Variants in CHD9 observed in about 807,000 individuals in gnomAD.
CHD9 encodes the protein ATP-dependent chromatin remodeler CHD9.
A neutral mutation model predicts 316.1 loss-of-function variants in CHD9; 77 were observed. That is an observed-to-expected ratio of 0.24 (90% CI 0.20 to 0.29). CHD9 has a LOEUF of 0.29. Ranked by LOEUF, CHD9 falls within the 10% of genes least tolerant of loss-of-function variation. The probability of loss-of-function intolerance (pLI) is 1.00; values close to 1 mark genes in which losing one functional copy is unlikely to be tolerated. For missense variants in CHD9, 2,763 were observed against 3,438.1 expected (o/e 0.80, Z 4.91); for synonymous variants, 1,129 against 1,158.3 (o/e 0.97, Z 0.51).
At position 53,264,605 on chromosome 16, in the gene CHD9, C is replaced by A. The variant is rs1454925417; in HGVS notation, c.4320+1508C>A. 2.0e-5 allele frequency among the ~76,000 whole-genome samples: 3 copies of A among 151,906 alleles called. No homozygotes were observed. The East Asian group carries it at 5.8e-4, about 29-fold the overall frequency. ...TCCTGGTGGGTAAGAAAGTGGTAAA[C>A]AAATATATAAGATAATTTAGAGAGT... is the stretch of plus-strand genomic sequence containing the variant. On this transcript the variant is annotated intron_variant, in intron 20 of 38. Coordinates refer to ENST00000447540, the MANE Select transcript of CHD9 (RefSeq NM_001308319.2).
intron 24 of CHD9, among the ~76,000 whole-genome samples, chr16:53,283,496 T>TG (rs1832643878): frequency 6.6e-6 from 1 of 152,296 alleles, no homozygotes; most frequent in African/African-American, 2.4e-5. Context: ...CCACCTCAGA[T>TG]GGTAATCACA....
chr16:53,209,188 G>A (rs2046129729), intron 2 of CHD9, among the ~76,000 whole-genome samples: 1 of 152,084 alleles, frequency 6.6e-6, no homozygotes, highest in African/African-American at 2.4e-5. Context: ...GATAAAATTT[G>A]AATCAACTAT....
chr16:53,219,521 A>C (rs1205221058), intron 3 of CHD9, among the ~76,000 whole-genome samples: 1 of 152,192 alleles, frequency 6.6e-6, no homozygotes, highest in Non-Finnish European at 1.5e-5. Flanking sequence ...ATGCAGGAAG[A>C]AGAGCCAAAA....
chr16:53,289,177 C>T (rs1220348209), intron 27 of CHD9, among the ~76,000 whole-genome samples: 1 of 151,720 alleles, frequency 6.6e-6, no homozygotes, highest in Non-Finnish European at 1.5e-5. Context: ...TGATTAAAGA[C>T]ATTAAAGAAA....
At chr16:53,139,986 C>T (rs1288256591) in intron 1 of CHD9, among the ~76,000 whole-genome samples, 18 of 151,608 alleles carry the variant, frequency 1.2e-4, no homozygotes, top group Non-Finnish European at 2.4e-4. Context: ...GTAGTTCCAG[C>T]TACTCGAGAG....
chr16:53,249,195 A>G (rs977558011), intron 16 of CHD9, among the ~76,000 whole-genome samples: 2 of 152,198 alleles, frequency 1.3e-5, no homozygotes, highest in Non-Finnish European at 2.9e-5. Flanking sequence ...TGCAGGTACC[A>G]GAGATAACCG....
chr16:53,115,717 C>T (rs976211525), intron 1 of CHD9, among the ~76,000 whole-genome samples: 16 of 152,234 alleles, frequency 1.1e-4, no homozygotes, highest in African/African-American at 3.6e-4. Flanking sequence ...GAGAGTTTTT[C>T]GAGGAACAAG....
intron 1 of CHD9, among the ~76,000 whole-genome samples, chr16:53,072,461 G>A (rs183880870): frequency 2.1e-3 from 304 of 142,480 alleles, no homozygotes; most frequent in African/African-American, 6.9e-3. Flanking sequence ...GTACAGTGGT[G>A]TAATCATATA....
rs367821803 is a variant in CHD9, at chr16:53,245,508, C to A, written c.3198+29C>A. On this transcript the variant is annotated intron_variant, in intron 14 of 38. Coordinates refer to ENST00000447540, the MANE Select transcript of CHD9 (RefSeq NM_001308319.2). The surrounding 1 kb of genome is among the most constrained non-coding windows in gnomAD (Gnocchi z 4.1). ...TCCTATTGCTCTTTGTAAATACATT[C>A]ATCGCATTTCTAATCATTGTAATTA... 1.9e-6 allele frequency: 3 copies of A among 1,553,384 alleles called. No individual in the cohort carries two copies. The highest frequency in any genetic ancestry group is 2.8e-5 in the African/African-American group (2 of 72,242).
intron 20 of CHD9, among the ~76,000 whole-genome samples, chr16:53,263,441 A>G (rs568611199): frequency 1.3e-5 from 2 of 152,268 alleles, no homozygotes; most frequent in East Asian, 3.9e-4. Flanking sequence ...ATGATAATCT[A>G]GTAAAATGTA....
At chr16:53,291,868 TA>T in intron 28 of CHD9, 101 bp downstream of exon 28, 1 of 698,918 alleles carries the variant, frequency 1.4e-6, no homozygotes. Flanking sequence ...GTTTCATATA[TA>T]AAAATTTTTA....
chr16:53,248,526 G>GTTTTTTTTTTTTTTTTTTTT (rs542703474), intron 16 of CHD9, among the ~76,000 whole-genome samples: 1 of 105,994 alleles, frequency 9.4e-6, no homozygotes, highest in African/African-American at 3.7e-5. Flanking sequence ...TTTTTTTTTT[G>GTTTTTTTTTTTTTTTTTTTT]TTTTTTTTTT....
intron 1 of CHD9, among the ~76,000 whole-genome samples, chr16:53,135,230 A>G (rs1438708337): frequency 6.6e-6 from 1 of 152,082 alleles, no homozygotes; most frequent in East Asian, 1.9e-4. Flanking sequence ...CTGAAATGAG[A>G]GATAGAAAGC....
At chr16:53,084,561 G>A (rs1029394102) in intron 1 of CHD9, among the ~76,000 whole-genome samples, 7 of 152,176 alleles carry the variant, frequency 4.6e-5, no homozygotes, top group Non-Finnish European at 1.0e-4. Context: ...TGGCCAATAT[G>A]GTGAAACCCT....
intron 19 of CHD9, among the ~76,000 whole-genome samples, chr16:53,261,334 G>T (rs1395743786): frequency 1.2e-4 from 15 of 128,558 alleles, no homozygotes; most frequent in African/African-American, 4.2e-4. Context: ...GAAGCATTTA[G>T]CCTTTTAATT....
At chr16:53,266,832 G>T (rs981255021) in intron 20 of CHD9, among the ~76,000 whole-genome samples, 3 of 152,128 alleles carry the variant, frequency 2.0e-5, no homozygotes, top group African/African-American at 7.2e-5. Flanking sequence ...TTTGGAAAGC[G>T]CTGTAAAATA....
intron 13 of CHD9, among the ~76,000 whole-genome samples, chr16:53,244,065 G>A (rs1392632934): frequency 6.6e-6 from 1 of 151,636 alleles, no homozygotes; most frequent in Non-Finnish European, 1.5e-5. Flanking sequence ...ATTTAGCATG[G>A]GAATTTAAAG....
At chr16:53,155,736 G>A (rs1320777142) in intron 1 of CHD9, among the ~76,000 whole-genome samples, 190 bp from the exon 2 acceptor site, 1 of 152,054 alleles carries the variant, frequency 6.6e-6, no homozygotes, top group Non-Finnish European at 1.5e-5. Context: ...AGCTCTAGGT[G>A]ACCCACTAAT....
At chr16:53,127,911 C>T (rs1453725152) in intron 1 of CHD9, among the ~76,000 whole-genome samples, 1 of 140,394 alleles carries the variant, frequency 7.1e-6, no homozygotes. Context: ...CCACTGCACT[C>T]CAGCCTGGCC....
Sources: allele counts gnomAD v4.1 joint callset (sites outside exome capture counted in the v4.1 genomes callset), GRCh38; gene constraint gnomAD v4.1.1; non-coding constraint Gnocchi (gnomAD v3.1); transcripts MANE v1.5; gene names NCBI Gene and HGNC (gene_info 2026-07-23, HGNC 2026-07-21).